The following NOSTRIN variants were observed in gnomAD, a reference collection of about 807,000 sequenced individuals.
NOSTRIN encodes the protein BM247 homolog.
Under a neutral mutation model 59.0 loss-of-function variants are expected in NOSTRIN, and 63 were observed. The observed-to-expected ratio is 1.07, with a 90% CI of 0.87 to 1.32. The LOEUF (loss-of-function observed/expected upper bound fraction) is 1.32. Ranked by LOEUF, NOSTRIN falls within the 40% of genes most tolerant of loss-of-function variation. The pLI is 0.00. For synonymous variants in NOSTRIN, 200 were observed against 165.4 expected (o/e 1.21, Z -1.61); for missense variants, 512 against 473.1 (o/e 1.08, Z -0.76).
chr2:168,864,937 T>G lies in NOSTRIN; in HGVS notation c.1488T>G (p.Pro496=), dbSNP rs10181. ...HFPAAYVEEL[P]SNAGNTATKA is the part of the protein sequence containing the mutation. ...CTGCCGCTTATGTGGAGGAGTTACC[T>G]TCAAATGCTGGCAACACAGCTACAA... Residue 496 remains proline, a synonymous_variant, in exon 16 of 16, where the codon CCT becomes CCG. Transcript: ENST00000317647. 1.2e-6 allele frequency: 2 copies of G among 1,614,134 alleles called. No individual in the cohort carries two copies. Among genetic ancestry groups the G allele is most frequent in the African/African-American group, 2.7e-5 (2 of 75,054 alleles).
At chr2:168,848,089 A>C (rs184868836) in intron 8 of NOSTRIN, among the ~76,000 whole-genome samples, 1 of 152,280 alleles carries the variant, frequency 6.6e-6, no homozygotes, top group East Asian at 1.9e-4. Flanking sequence ...AGAAGAGCTG[A>C]TTTCTAGATC....
At chr2:168,796,439 C>G (rs1685481999), upstream of NOSTRIN, among the ~76,000 whole-genome samples, 1 of 152,208 alleles carries the variant, frequency 6.6e-6, no homozygotes, top group Non-Finnish European at 1.5e-5. Flanking sequence ...GTCTTCAATA[C>G]CAGCGGGCCA....
intron 8 of NOSTRIN, among the ~76,000 whole-genome samples, chr2:168,847,180 CAG>C (rs1688484304): frequency 6.6e-6 from 1 of 152,170 alleles, no homozygotes; most frequent in Non-Finnish European, 1.5e-5. Flanking sequence ...GTGGAAAAAA[CAG>C]AATTTCAAAT....
At chr2:168,820,897 A>C (rs574614665) in intron 2 of NOSTRIN, among the ~76,000 whole-genome samples, 124 of 152,284 alleles carry the variant, frequency 8.1e-4, no homozygotes, top group African/African-American at 2.9e-3. Flanking sequence ...TACAGTCTGC[A>C]AGAACATTCT....
intron 8 of NOSTRIN, among the ~76,000 whole-genome samples, chr2:168,848,941 A>G (rs1688587471): frequency 6.6e-6 from 1 of 152,256 alleles, no homozygotes; most frequent in Non-Finnish European, 1.5e-5. Flanking sequence ...GGCATGTCAT[A>G]TTATGTAAAT....
intron 15 of NOSTRIN, 118 bp from the exon 16 acceptor site, chr2:168,864,716 C>A: frequency 1.7e-6 from 2 of 1,167,676 alleles, no homozygotes; most frequent in South Asian, 1.5e-5. Context: ...GAATCAAGTG[C>A]AGAAAATGAC....
At chr2:168,861,666 A>G (rs1689457406) in intron 14 of NOSTRIN, among the ~76,000 whole-genome samples, 1 of 152,198 alleles carries the variant, frequency 6.6e-6, no homozygotes, top group Admixed American at 6.5e-5. Context: ...TGTTTTCCAA[A>G]ACATGCATGC....
At position 168,852,546 on chromosome 2, in the gene NOSTRIN, T is replaced by TA. The variant is rs535370247; in HGVS notation, c.855+1143dup. 2.0e-5 allele frequency among the ~76,000 whole-genome samples: 3 copies of TA among 152,170 alleles called. No individual in the cohort carries two copies. The South Asian group carries it at 6.2e-4, about 32-fold the overall frequency. On this transcript the variant is annotated intron_variant, in intron 10 of 15. Coordinates refer to ENST00000317647, the MANE Select transcript of NOSTRIN (RefSeq NM_001039724.4). ...TAGCGTTTCCCTGGGTCCTCTGCCA[T>TA]ATTTTATTCAGGATTTCAAGCTCCA...
At chr2:168,864,007 T>C (rs1689673804) in intron 15 of NOSTRIN, among the ~76,000 whole-genome samples, 1 of 151,858 alleles carries the variant, frequency 6.6e-6, no homozygotes, top group Non-Finnish European at 1.5e-5. Flanking sequence ...GTCTCCTGGA[T>C]TCAAGTGATT....
intron 10 of NOSTRIN, among the ~76,000 whole-genome samples, chr2:168,852,808 C>A (rs1250084618): frequency 6.6e-6 from 1 of 152,046 alleles, no homozygotes; most frequent in Non-Finnish European, 1.5e-5. Context: ...TTTTTTCCTA[C>A]CTTGGCAAAG....
At chr2:168,842,361 G>A (rs1156485668) in intron 7 of NOSTRIN, among the ~76,000 whole-genome samples, 1 of 152,138 alleles carries the variant, frequency 6.6e-6, no homozygotes, top group Non-Finnish European at 1.5e-5. Context: ...AACCCGGTAT[G>A]TATTAATTAC....
chr2:168,824,618 A>G lies in NOSTRIN; in HGVS notation c.114-16A>G, dbSNP rs779788188. ...CCAGCCCAGTACATCCTATTTAACT[A>G]GTCCTTTTCTAACAGGGCAAACCTG... On this transcript the variant is annotated splice_polypyrimidine_tract_variant and intron_variant, in intron 2 of 15. Coordinates refer to ENST00000317647, the MANE Select transcript of NOSTRIN (RefSeq NM_001039724.4). 6.9e-6 allele frequency: 6 copies of G among 871,210 alleles called. No homozygotes were observed. The highest frequency in any genetic ancestry group is 1.2e-5 in the Non-Finnish European group (6 of 500,604). The allele number at this position is 871,210 out of a possible 1,614,324, so 54.0% of individuals were successfully genotyped here.
At chr2:168,855,976 A>ACATGGAC (rs1689078671) in intron 11 of NOSTRIN, 6 of 434,106 alleles carry the variant, frequency 1.4e-5, no homozygotes, top group Non-Finnish European at 1.8e-5. Flanking sequence ...CTACCTAGTA[A>ACATGGAC]CTTGTTTTAT....
At position 168,859,371 on chromosome 2, in the gene NOSTRIN, C is replaced by T. The variant is rs16856061; in HGVS notation, c.1054-141C>T. ...TTTATTCCTCCATTTTTTTTTCCTT[C>T]GGCATTTTCTGTGAATATCTGTATG... On this transcript the variant is annotated intron_variant, in intron 12 of 15. Transcript: ENST00000317647. 26,420 of 1,288,962 alleles carry T rather than the reference C, an allele frequency of 0.02. 2,281 individuals carry two copies. The African/African-American group carries it at 0.24, about 12-fold the overall frequency. 79.8% of individuals were successfully genotyped at this position (1,288,962 alleles called of 1,614,324 possible). A position where few individuals can be genotyped will look rare whatever the true frequency, so the allele number is the denominator to read the frequency against.
chr2:168,864,458 G>C (rs1689723151), intron 15 of NOSTRIN, among the ~76,000 whole-genome samples: 1 of 151,230 alleles, frequency 6.6e-6, no homozygotes, highest in Admixed American at 6.6e-5. Flanking sequence ...GCTAATTTTT[G>C]TATTTTTAGC....
intron 5 of NOSTRIN, among the ~76,000 whole-genome samples, chr2:168,830,171 AC>A (rs559152023): frequency 3.3e-5 from 5 of 152,196 alleles, no homozygotes; most frequent in Non-Finnish European, 7.3e-5. Context: ...TATTTTTCAC[AC>A]TGCATAATAA....
chr2:168,858,296 G>A (rs1351934337), intron 12 of NOSTRIN, among the ~76,000 whole-genome samples: 2 of 152,202 alleles, frequency 1.3e-5, no homozygotes, highest in Admixed American at 6.5e-5. Flanking sequence ...GAACCTTTAA[G>A]TGAGGAATGC....
At chr2:168,858,533 G>T (rs1384911019) in intron 12 of NOSTRIN, among the ~76,000 whole-genome samples, 1 of 152,240 alleles carries the variant, frequency 6.6e-6, no homozygotes, top group Non-Finnish European at 1.5e-5. Context: ...GAGGCACTTA[G>T]ATTAAATACT....
intron 8 of NOSTRIN, among the ~76,000 whole-genome samples, chr2:168,847,830 T>C (rs375485596): frequency 7.2e-5 from 11 of 152,372 alleles, no homozygotes; most frequent in Admixed American, 3.3e-4. Context: ...GGATCTCTCC[T>C]TTGCACAGTG....
Sources: allele counts gnomAD v4.1 joint callset (sites outside exome capture counted in the v4.1 genomes callset), GRCh38; gene constraint gnomAD v4.1.1; transcripts MANE v1.5; gene names NCBI Gene and HGNC (gene_info 2026-07-23, HGNC 2026-07-21).